The following MTUS2 variants were observed in gnomAD, a reference collection of about 807,000 sequenced individuals.
The protein encoded by MTUS2 is microtubule associated scaffold protein 2, also known as microtubule-associated tumor suppressor candidate 2.
Under a neutral mutation model 114.1 loss-of-function variants are expected in MTUS2, and 40 were observed. That is an observed-to-expected ratio of 0.35 (90% CI 0.27 to 0.46). The LOEUF is 0.46. Ranked by LOEUF, MTUS2 falls within the 20% of genes least tolerant of loss-of-function variation. MTUS2 has a pLI of 1.00. For missense variants in MTUS2, 1,679 were observed against 1,705.4 expected (o/e 0.98, Z 0.27); for synonymous variants, 688 against 672.0 (o/e 1.02, Z -0.37).
intron 8 of MTUS2, among the ~76,000 whole-genome samples, chr13:29,391,173 TC>T (rs1873430043): frequency 6.6e-6 from 1 of 152,064 alleles, no homozygotes; most frequent in Admixed American, 6.6e-5. Flanking sequence ...CACTGCAACT[TC>T]CATGTCCCGG....
intron 7 of MTUS2, among the ~76,000 whole-genome samples, chr13:29,342,315 C>T (rs1397958539): frequency 2.6e-4 from 40 of 152,016 alleles, no homozygotes; most frequent in Admixed American, 2.6e-3. Context: ...TTTGTGTCAT[C>T]TGTTATTTTT....
At chr13:29,389,349 G>GTATGTA (rs1373563702) in intron 8 of MTUS2, among the ~76,000 whole-genome samples, 5,206 of 78,552 alleles carry the variant, frequency 0.066, 838 homozygotes, top group Middle Eastern at 0.1. Context: ...ATGCACGTGT[G>GTATGTA]TGTATATATG....
chr13:29,111,768 T>C (rs1242170175), intron 5 of MTUS2, among the ~76,000 whole-genome samples: 1 of 151,026 alleles, frequency 6.6e-6, no homozygotes, highest in Non-Finnish European at 1.5e-5. Flanking sequence ...GAGATTGATA[T>C]ATTTTTTTTT....
At chr13:29,097,468 T>C (rs1276566171) in intron 4 of MTUS2, among the ~76,000 whole-genome samples, 1 of 152,216 alleles carries the variant, frequency 6.6e-6, no homozygotes, top group East Asian at 1.9e-4. Flanking sequence ...AGGCTTATTA[T>C]GCACTTGTAA....
At chr13:29,042,332 G>A (rs756100585) in intron 4 of MTUS2, among the ~76,000 whole-genome samples, 1 of 152,096 alleles carries the variant, frequency 6.6e-6, no homozygotes, top group Non-Finnish European at 1.5e-5. Context: ...GATCATGGAG[G>A]ATTACCTTTT....
chr13:28,931,451 T>C (rs138022159), intron 2 of MTUS2, among the ~76,000 whole-genome samples: 1 of 152,250 alleles, frequency 6.6e-6, no homozygotes. Flanking sequence ...TTTTTATAAA[T>C]GTTTGGCAAG....
At chr13:28,941,973 C>G (rs924137123) in intron 2 of MTUS2, among the ~76,000 whole-genome samples, 1 of 152,108 alleles carries the variant, frequency 6.6e-6, no homozygotes, top group Non-Finnish European at 1.5e-5. Flanking sequence ...TATAAAAACT[C>G]ATGAACATCA....
In MTUS2 at chr13:29,480,163, A is replaced by G; in HGVS notation, c.3198A>G (p.Ala1066=). 1.3e-6 allele frequency: 2 copies of G among 1,553,956 alleles called. No homozygotes were observed. The highest frequency in any genetic ancestry group is 2.4e-5 in the East Asian group (1 of 41,102). Reference sequence around the variant, plus strand: ...CTTTGCGCCCAGCCTTCCATACAGCAAAGTGCGAGAAACTACAAAAGGAGA... The same window carrying G: ...CTTTGCGCCCAGCCTTCCATACAGCGAAGTGCGAGAAACTACAAAAGGAGA... The part of the protein sequence containing the change: ...NIRDEVAFHT[A]KCEKLQKEKE... The change falls in exon 10 of 16, where the codon GCA becomes GCG. Residue 1066 remains alanine (A), a synonymous_variant. Transcript: ENST00000612955. This position sits in a 1 kb window ranked among gnomAD's most constrained non-coding sequence, Gnocchi z 4.4.
At chr13:29,303,835 A>G (rs1390244993) in intron 6 of MTUS2, among the ~76,000 whole-genome samples, 3 of 152,178 alleles carry the variant, frequency 2.0e-5, no homozygotes, top group Admixed American at 6.5e-5. Context: ...ACACAGAATC[A>G]TCAGATTCTC....
chr13:29,435,818 T>C (rs184276004), intron 8 of MTUS2, among the ~76,000 whole-genome samples: 2 of 152,362 alleles, frequency 1.3e-5, no homozygotes, highest in Non-Finnish European at 2.9e-5. Flanking sequence ...GGAAGGGCTG[T>C]CGCCAAACTG....
intron 5 of MTUS2, among the ~76,000 whole-genome samples, chr13:29,134,559 T>C (rs1211280925): frequency 6.6e-6 from 1 of 152,214 alleles, no homozygotes; most frequent in Admixed American, 6.5e-5. Context: ...GATGTTTAAA[T>C]GTTTATAATT....
chr13:29,012,577 A>G (rs1885893383), intron 2 of MTUS2, among the ~76,000 whole-genome samples: 1 of 152,204 alleles, frequency 6.6e-6, no homozygotes, highest in Admixed American at 6.5e-5. Context: ...GAGATATGCT[A>G]AAAGAGTGGG....
At chr13:29,235,187 C>T (rs1896489548) in intron 5 of MTUS2, among the ~76,000 whole-genome samples, 1 of 152,104 alleles carries the variant, frequency 6.6e-6, no homozygotes, top group African/African-American at 2.4e-5. Flanking sequence ...ACCTCCGCCT[C>T]CTGGGTTCAA....
chr13:29,049,681 C>T (rs544662351), intron 4 of MTUS2, among the ~76,000 whole-genome samples: 16 of 152,282 alleles, frequency 1.1e-4, no homozygotes, highest in Non-Finnish European at 1.9e-4. Flanking sequence ...GCAGGAGGCT[C>T]GCCCTGCAGG....
chr13:29,381,126 G>A (rs1872170881), intron 8 of MTUS2, among the ~76,000 whole-genome samples: 1 of 152,160 alleles, frequency 6.6e-6, no homozygotes, highest in South Asian at 2.1e-4. Context: ...CTGCAGCTGG[G>A]AACCTACAGC....
chr13:29,184,796 A>G (rs1202007710), intron 5 of MTUS2, among the ~76,000 whole-genome samples: 1 of 152,146 alleles, frequency 6.6e-6, no homozygotes, highest in African/African-American at 2.4e-5. Context: ...CAAAAATCTG[A>G]TTTTCAAAAT....
At chr13:29,211,005 T>G (rs1895408009) in intron 5 of MTUS2, among the ~76,000 whole-genome samples, 1 of 151,900 alleles carries the variant, frequency 6.6e-6, no homozygotes, top group Non-Finnish European at 1.5e-5. Context: ...TTTGGTTTCT[T>G]TGGTGATGGG....
At chr13:28,861,790 G>A (rs1026654358) in intron 2 of MTUS2, among the ~76,000 whole-genome samples, 3 of 152,128 alleles carry the variant, frequency 2.0e-5, no homozygotes, top group Non-Finnish European at 2.9e-5. Flanking sequence ...TGTGTGAAAG[G>A]GAACTGCTCT....
intron 6 of MTUS2, among the ~76,000 whole-genome samples, chr13:29,298,049 A>G (rs1255967103): frequency 6.6e-6 from 1 of 152,228 alleles, no homozygotes; most frequent in Non-Finnish European, 1.5e-5. Context: ...TGATCCATAT[A>G]ATTTTACACT....
Sources: gnomAD v4.1 joint callset for allele counts (sites outside exome capture counted in the v4.1 genomes callset) on GRCh38, gnomAD v4.1.1 for gene constraint, Gnocchi (gnomAD v3.1) non-coding constraint, MANE v1.5 for transcripts, NCBI Gene and HGNC (gene_info 2026-07-23, HGNC 2026-07-21) for gene names.